Variants in AUTS2 observed in about 807,000 individuals in gnomAD.
AUTS2 encodes the protein activator of transcription and developmental regulator AUTS2.
A neutral mutation model predicts 112.4 loss-of-function variants in AUTS2; 17 were observed. The observed-to-expected ratio is 0.15, with a 90% CI of 0.10 to 0.23. The LOEUF is 0.23. Ranked by LOEUF, AUTS2 falls within the 10% of genes least tolerant of loss-of-function variation. The probability of loss-of-function intolerance (pLI) is 1.00; values close to 1 mark genes in which losing one functional copy is unlikely to be tolerated. For missense variants in AUTS2, 1,510 were observed against 1,701.6 expected (o/e 0.89, Z 1.98); for synonymous variants, 751 against 702.7 (o/e 1.07, Z -1.09).
intron 5 of AUTS2, chr7:70,596,192 G>C (rs372007263): frequency 2.0e-5 from 3 of 152,804 alleles, no homozygotes; most frequent in African/African-American, 2.4e-5. Context: ...TGGGGCGGGC[G>C]GCGCGCAGCT....
At chr7:69,733,075 T>A (rs1425617334) in intron 1 of AUTS2, among the ~76,000 whole-genome samples, 1 of 152,218 alleles carries the variant, frequency 6.6e-6, no homozygotes, top group East Asian at 1.9e-4. Flanking sequence ...TTTCATCTAG[T>A]CCGTTCCATT....
rs1158979015 is a variant in AUTS2, at chr7:70,622,074, GTGATC to G, written c.691-76492_691-76488del. Among the ~76,000 whole-genome samples, 3 of 151,784 alleles carry G rather than the reference GTGATC, an allele frequency of 2.0e-5. No homozygotes were observed. The East Asian group carries it at 5.8e-4, about 29-fold the overall frequency. ...GGTGCTCTCAAACTCCTGACTTCAG[GTGATC>G]TGCCCGCCTCGTCCTCCCAAAGTGC... On this transcript the variant is annotated intron_variant, in intron 5 of 18. Coordinates refer to ENST00000342771, the MANE Select transcript of AUTS2 (RefSeq NM_015570.4).
intron 4 of AUTS2, among the ~76,000 whole-genome samples, chr7:70,353,203 A>G (rs1338424465): frequency 3.3e-5 from 5 of 152,234 alleles, no homozygotes; most frequent in Non-Finnish European, 7.3e-5. Context: ...GTCCATTTAT[A>G]TCCCCATTTG....
At chr7:70,673,981 A>T (rs1227379644) in intron 5 of AUTS2, among the ~76,000 whole-genome samples, 1 of 152,204 alleles carries the variant, frequency 6.6e-6, no homozygotes, top group Non-Finnish European at 1.5e-5. Flanking sequence ...AGCTTCAGAG[A>T]TGACAGATCT....
intron 6 of AUTS2, among the ~76,000 whole-genome samples, chr7:70,744,976 G>C (rs1788358070): frequency 6.6e-6 from 1 of 152,020 alleles, no homozygotes; most frequent in South Asian, 2.1e-4. Flanking sequence ...CCATTGCAGT[G>C]ATGCATTGCA....
At chr7:70,306,951 C>CT (rs957371616) in intron 4 of AUTS2, among the ~76,000 whole-genome samples, 10 of 151,860 alleles carry the variant, frequency 6.6e-5, no homozygotes, top group African/African-American at 1.7e-4. Flanking sequence ...TTATTGCTTT[C>CT]TTTTTTTTCC....
chr7:70,764,344 G>A (rs186013621), intron 7 of AUTS2, among the ~76,000 whole-genome samples: 67 of 152,288 alleles, frequency 4.4e-4, no homozygotes, highest in African/African-American at 1.4e-3. Context: ...GACAGATGGG[G>A]GGAACTCAGA....
At chr7:70,346,811 G>A (rs919699390) in intron 4 of AUTS2, among the ~76,000 whole-genome samples, 11 of 152,098 alleles carry the variant, frequency 7.2e-5, no homozygotes, top group African/African-American at 2.2e-4. Context: ...CCCAAATGAA[G>A]CTTCCTAGGT....
chr7:70,372,981 GT>G (rs1216832039), intron 4 of AUTS2, among the ~76,000 whole-genome samples: 13 of 152,122 alleles, frequency 8.5e-5, no homozygotes, highest in Admixed American at 7.2e-4. Context: ...AGCTGCTCAA[GT>G]TCACACCAGA....
chr7:70,362,331 T>A (rs1294064110), intron 4 of AUTS2, among the ~76,000 whole-genome samples: 3 of 151,922 alleles, frequency 2.0e-5, no homozygotes, highest in Non-Finnish European at 2.9e-5. Context: ...TTCTCCACTT[T>A]GTTTCTCACT....
At chr7:69,829,556 C>T (rs1189535335) in intron 1 of AUTS2, among the ~76,000 whole-genome samples, 1 of 151,968 alleles carries the variant, frequency 6.6e-6, no homozygotes, top group East Asian at 1.9e-4. Flanking sequence ...AAAACACCAC[C>T]ACCAAAAAGT....
chr7:70,445,250 T>C (rs1483672696), intron 5 of AUTS2, among the ~76,000 whole-genome samples: 1 of 152,124 alleles, frequency 6.6e-6, no homozygotes, highest in Admixed American at 6.6e-5. Context: ...GAGATATAAG[T>C]TGTGTCTTAG....
chr7:69,690,583 C>G (rs904579832), intron 1 of AUTS2, among the ~76,000 whole-genome samples: 14 of 152,320 alleles, frequency 9.2e-5, no homozygotes, highest in African/African-American at 3.4e-4. Context: ...CCATATGAGG[C>G]TGTGGCTGGA....
chr7:69,898,542 G>A (rs115945777), intron 1 of AUTS2, among the ~76,000 whole-genome samples: 220 of 152,246 alleles, frequency 1.4e-3, no homozygotes, highest in African/African-American at 5.0e-3. Flanking sequence ...GCTGCCTGGA[G>A]GCACAGAACT....
intron 1 of AUTS2, among the ~76,000 whole-genome samples, chr7:69,876,352 ATATATATATAT>A (rs1793766481): frequency 1.5e-4 from 8 of 53,980 alleles, no homozygotes; most frequent in African/African-American, 6.2e-4. Context: ...AAAAAAAAAT[ATATATATATAT>A]ATATATATAT....
intron 1 of AUTS2, among the ~76,000 whole-genome samples, chr7:69,835,701 T>C (rs985463863): frequency 2.0e-5 from 3 of 152,118 alleles, no homozygotes; most frequent in Admixed American, 6.5e-5. Context: ...TGAAGACTGA[T>C]TTAGGGTGAA....
intron 1 of AUTS2, among the ~76,000 whole-genome samples, chr7:69,752,001 T>C (rs974971661): frequency 3.3e-5 from 5 of 152,234 alleles, no homozygotes; most frequent in Non-Finnish European, 5.9e-5. Flanking sequence ...TGATGACTAT[T>C]ATCACAGATG....
At chr7:70,448,854 T>G (rs1796420648) in intron 5 of AUTS2, among the ~76,000 whole-genome samples, 1 of 152,172 alleles carries the variant, frequency 6.6e-6, no homozygotes. Flanking sequence ...ATAAAGGGGC[T>G]TATCCATTTT....
intron 4 of AUTS2, among the ~76,000 whole-genome samples, chr7:70,186,830 A>G (rs1809631954): frequency 6.6e-6 from 1 of 152,206 alleles, no homozygotes; most frequent in Non-Finnish European, 1.5e-5. Flanking sequence ...CAGCCTCCCA[A>G]AGTGCTGGCA....
Sources: allele counts gnomAD v4.1 joint callset (sites outside exome capture counted in the v4.1 genomes callset), GRCh38; gene constraint gnomAD v4.1.1; transcripts MANE v1.5; gene names NCBI Gene and HGNC (gene_info 2026-07-23, HGNC 2026-07-21).